RPH3AL: variants seen among roughly 807,000 people sequenced by gnomAD.
RPH3AL encodes the protein rabphilin 3A like (without C2 domains).
RPH3AL carries 38 observed loss-of-function variants against 43.1 expected under a neutral mutation model. The ratio of observed to expected loss-of-function variants is 0.88; its 90% confidence interval spans 0.68 to 1.15. The LOEUF is 1.15. RPH3AL is among the 50% of genes most tolerant of loss of function. The pLI is 0.00. For synonymous variants in RPH3AL, 189 were observed against 176.3 expected, an observed-to-expected ratio of 1.07 and a Z score of -0.57; for missense variants, 462 against 423.2, an observed-to-expected ratio of 1.09 and a Z score of -0.81.
chr17:292,811 G>A (rs944614346), intron 5 of RPH3AL, among the ~76,000 whole-genome samples: 8 of 152,306 alleles, frequency 5.3e-5, no homozygotes, highest in African/African-American at 9.6e-5. Context: ...GACACAGCCC[G>A]GGGGCCAGCA....
intron 7 of RPH3AL, among the ~76,000 whole-genome samples, chr17:226,958 C>T (rs569664313): frequency 2.1e-4 from 32 of 152,304 alleles, no homozygotes; most frequent in African/African-American, 6.7e-4. Flanking sequence ...ATTCTGCCCA[C>T]GCCTGGTTTT....
intron 6 of RPH3AL, among the ~76,000 whole-genome samples, chr17:268,142 G>A (rs1303164364): frequency 6.6e-6 from 1 of 152,116 alleles, no homozygotes; most frequent in African/African-American, 2.4e-5. Context: ...GGCTGGAACT[G>A]CACAGGCCCA....
intron 5 of RPH3AL, among the ~76,000 whole-genome samples, chr17:316,507 G>GC (rs2044202496): frequency 7.0e-6 from 1 of 142,806 alleles, no homozygotes; most frequent in Admixed American, 7.0e-5. Flanking sequence ...TAGTCTCTGT[G>GC]CTCCACCTCC....
chr17:324,694 G>GCTATCTAT (rs1157969356), intron 3 of RPH3AL, among the ~76,000 whole-genome samples: 2 of 113,764 alleles, frequency 1.8e-5, no homozygotes, highest in African/African-American at 7.7e-5. Flanking sequence ...TATCTATCTA[G>GCTATCTAT]CTAGCTAGCT....
chr17:253,644 G>A (rs1597944237), intron 6 of RPH3AL, among the ~76,000 whole-genome samples: 1 of 152,044 alleles, frequency 6.6e-6, no homozygotes, highest in African/African-American at 2.4e-5. Context: ...CTGGCCCCTG[G>A]CCACCCCAGT....
In RPH3AL at chr17:307,574, G is replaced by A. The variant is rs538331464; in HGVS notation, c.351+11846C>T. Among the ~76,000 whole-genome samples, 4 of 152,302 alleles carry A rather than the reference G, an allele frequency of 2.6e-5. No individual in the cohort carries two copies. The South Asian group carries it at 8.3e-4, about 32-fold the overall frequency. ...GGCATCTCTACCTCCTCAGCCCCGGGGCCTGGCACGAAGGTGAGCTGAGTG... is the reference window on the plus strand; with the variant it reads ...GGCATCTCTACCTCCTCAGCCCCGGAGCCTGGCACGAAGGTGAGCTGAGTG... On this transcript the variant is annotated intron_variant, in intron 5 of 9. Coordinates refer to ENST00000331302, the MANE Select transcript of RPH3AL (RefSeq NM_006987.4).
Position 321,386 on chromosome 17 carries a change from T to C in RPH3AL, c.107A>G (p.Tyr36Cys). Residue 36 changes from tyrosine to cysteine, a missense_variant, in exon 4 of 10, where the codon TAC (tyrosine) becomes TGC (cysteine). Physicochemically the swap from Tyr to Cys is radical, Grantham distance 194. Transcript: ENST00000331302. ...KLQTGWSVHT[Y>C]QTEKQRRKQH... is the part of the protein sequence containing the mutation. The stretch of plus-strand genomic sequence containing the variant: ...CTTCCTCCTCTGCTTCTCCGTCTGG[T>C]AGGTGTGCACGGACCAGCCCGTCTG... 7.5e-6 allele frequency: 12 copies of C among 1,610,574 alleles called. No homozygotes were observed. The highest frequency in any genetic ancestry group is 1.0e-5 in the Non-Finnish European group (12 of 1,179,856).
chr17:249,392 C>G (rs2151548252), intron 6 of RPH3AL, among the ~76,000 whole-genome samples: 1 of 152,208 alleles, frequency 6.6e-6, no homozygotes, highest in East Asian at 1.9e-4. Context: ...GCTTATCTCA[C>G]CGGGAGGACT....
intron 2 of RPH3AL, among the ~76,000 whole-genome samples, chr17:329,318 C>CA (rs1321930119): frequency 2.6e-5 from 4 of 151,752 alleles, no homozygotes; most frequent in Non-Finnish European, 4.4e-5. Flanking sequence ...ACTAAAAATA[C>CA]AAAAAAAATT....
chr17:311,288 C>T (rs2043640320), intron 5 of RPH3AL, among the ~76,000 whole-genome samples: 1 of 152,232 alleles, frequency 6.6e-6, no homozygotes, highest in Non-Finnish European at 1.5e-5. Flanking sequence ...TCCTGTGTTC[C>T]TTTTTCCTTC....
At chr17:227,200 T>C (rs1000846013) in intron 7 of RPH3AL, among the ~76,000 whole-genome samples, 33 of 152,338 alleles carry the variant, frequency 2.2e-4, no homozygotes, top group African/African-American at 7.5e-4. Context: ...TCCTCAGCAG[T>C]GGCCAGCCCC....
In RPH3AL at chr17:345,910, T is replaced by C. The variant is rs1205771765; in HGVS notation, c.-213+6802A>G. Among the ~76,000 whole-genome samples, 2 of 134,658 alleles carry C rather than the reference T, an allele frequency of 1.5e-5. 1 individual carries two copies. Among genetic ancestry groups the C allele is most frequent in the East Asian group, 4.8e-4 (2 of 4,184 alleles). The allele number at this position is 134,658 out of a possible 152,430, so 88.3% of individuals were successfully genotyped here. ...CCCGACTTTGCACTGTAAGGACAAA[T>C]GGGATGCCAGTGGGCTCTGAGTCTC... On this transcript the variant is annotated intron_variant, in intron 1 of 9. Transcript: ENST00000331302.
At position 340,586 on chromosome 17, in the gene RPH3AL, C is replaced by T. The variant is rs375187729; in HGVS notation, c.-212-6652G>A. On this transcript the variant is annotated intron_variant, in intron 1 of 9. Transcript: ENST00000331302. ...CCTCCCCACATCCACACTCACTGCCCCCCACCCAGGCCTCCCCACATCCAC... is the reference window on the plus strand; with the variant it reads ...CCTCCCCACATCCACACTCACTGCCTCCCACCCAGGCCTCCCCACATCCAC... Among the ~76,000 whole-genome samples the T allele has an allele frequency of 2.2e-3, 9 of 4,022 alleles. 1 individual carries two copies. The highest frequency in any genetic ancestry group is 2.5e-3 in the African/African-American group (3 of 1,198). The allele number at this position is 4,022 out of a possible 152,430, so 2.6% of individuals were successfully genotyped here.
At chr17:313,343 G>A (rs560043448) in intron 5 of RPH3AL, among the ~76,000 whole-genome samples, 1 of 152,318 alleles carries the variant, frequency 6.6e-6, no homozygotes, top group South Asian at 2.1e-4. Context: ...AAACTTAAGT[G>A]AAATCTCAGC....
rs561311603 is a variant in RPH3AL at position 243,398 on chromosome 17, A to G, written c.613+3713T>C. 4.4e-4 allele frequency among the ~76,000 whole-genome samples: 53 copies of G among 120,490 alleles called. No individual in the cohort carries two copies. The South Asian group carries it at 0.014, about 33-fold the overall frequency. 79.0% of individuals were successfully genotyped at this position (120,490 alleles called of 152,430 possible). On this transcript the variant is annotated intron_variant, in intron 7 of 9. Transcript: ENST00000331302. ...CTTCCTCTATTGATTACCTTCCTCT[A>G]TTGACTACCTTCCTCTATTGATTAC... is the stretch of plus-strand genomic sequence containing the variant.
intron 5 of RPH3AL, among the ~76,000 whole-genome samples, chr17:316,893 G>A (rs1182003193): frequency 7.5e-6 from 1 of 132,578 alleles, no homozygotes; most frequent in African/African-American, 2.9e-5. Flanking sequence ...TTGACCTGTA[G>A]TCCCTGTGCT....
At chr17:315,714 G>GC (rs2044056297) in intron 5 of RPH3AL, among the ~76,000 whole-genome samples, 7 of 148,846 alleles carry the variant, frequency 4.7e-5, no homozygotes, top group South Asian at 2.1e-4. Flanking sequence ...TAGTCCTTGT[G>GC]CCCCACCTCT....
intron 5 of RPH3AL, among the ~76,000 whole-genome samples, chr17:297,895 C>A (rs1490677522): frequency 6.6e-6 from 1 of 152,196 alleles, no homozygotes; most frequent in Non-Finnish European, 1.5e-5. Flanking sequence ...GACAGGGAGG[C>A]TTCACGAGCT....
intron 1 of RPH3AL, among the ~76,000 whole-genome samples, chr17:348,145 G>C (rs2045279851): frequency 1.3e-5 from 2 of 150,900 alleles, no homozygotes; most frequent in South Asian, 4.2e-4. Context: ...CAGTCTGAAA[G>C]GGCTACTTAC....
Sources: gnomAD v4.1 joint callset for allele counts (sites outside exome capture counted in the v4.1 genomes callset) on GRCh38, gnomAD v4.1.1 for gene constraint, MANE v1.5 for transcripts, NCBI Gene and HGNC (gene_info 2026-07-23, HGNC 2026-07-21) for gene names.